Variants in KATNAL1 observed in about 807,000 individuals in gnomAD.
KATNAL1 encodes katanin catalytic subunit A1 like 1, also known as katanin p60 ATPase-containing subunit A-like 1.
A neutral mutation model predicts 55.2 loss-of-function variants in KATNAL1; 32 were observed. That is an observed-to-expected ratio of 0.58 (90% confidence interval 0.44 to 0.78). The LOEUF (loss-of-function observed/expected upper bound fraction) is 0.78. Among genes scored for constraint, KATNAL1 ranks in the 30% least tolerant of loss-of-function variants. KATNAL1 has a pLI of 0.00. For missense variants in KATNAL1, 466 were observed against 600.9 expected, an observed-to-expected ratio of 0.78 and a Z score of 2.35; for synonymous variants, 193 against 193.6, an observed-to-expected ratio of 1.00 and a Z score of 0.02.
In KATNAL1 at chr13:30,265,698, G is replaced by A. The variant is rs968850287; in HGVS notation, c.324-10083C>T. ...AGCAGATTTTAGAAGTCCCTTTTAA[G>A]AGATTTTTTTTTTTTTTAAATCAGT... On this transcript the variant is annotated intron_variant, in intron 3 of 10. Transcript: ENST00000380615. Among the ~76,000 whole-genome samples the A allele has an allele frequency of 6.6e-5, 10 of 150,586 alleles. 1 individual carries two copies. Among genetic ancestry groups the A allele is most frequent in the African/African-American group, 2.5e-4 (10 of 40,790 alleles).
intron 9 of KATNAL1, among the ~76,000 whole-genome samples, chr13:30,214,957 A>C (rs1408060832): frequency 5.3e-4 from 80 of 152,156 alleles, no homozygotes; most frequent in Admixed American, 5.2e-3. Flanking sequence ...TCTGCACAGC[A>C]AAAGAAACTA....
intron 3 of KATNAL1, among the ~76,000 whole-genome samples, chr13:30,270,154 G>A (rs1880187200): frequency 1.5e-5 from 2 of 135,818 alleles, no homozygotes; most frequent in Admixed American, 1.4e-4. Flanking sequence ...CTACTGGGAA[G>A]TGAGGAGCCT....
chr13:30,278,103 A>G lies in KATNAL1; in HGVS notation c.323+1960T>C, dbSNP rs140711885. On this transcript the variant is annotated intron_variant, in intron 3 of 10. Transcript: ENST00000380615. ...AGAAACTTTATTCATAAAGTTTTAA[A>G]CTATTAATCCCATGCTATTACTCAA... Among the ~76,000 whole-genome samples the G allele has an allele frequency of 1.8e-4, 28 of 152,044 alleles. 1 individual carries two copies. In the East Asian group the frequency reaches 5.0e-3, roughly 27 times the overall value.
intron 9 of KATNAL1, among the ~76,000 whole-genome samples, chr13:30,220,077 T>G (rs1055582309): frequency 2.0e-5 from 3 of 152,222 alleles, no homozygotes; most frequent in Non-Finnish European, 4.4e-5. Context: ...TTCCCTCCAC[T>G]GGTATCAATT....
chr13:30,296,419 G>T (rs947686633), intron 1 of KATNAL1: 2 of 909,918 alleles, frequency 2.2e-6, no homozygotes, highest in Non-Finnish European at 1.8e-6. Flanking sequence ...ACATCCCCCG[G>T]AAGGAGGGAG....
chr13:30,296,493 A>G, intron 1 of KATNAL1: 1 of 735,766 alleles, frequency 1.4e-6, no homozygotes, highest in Non-Finnish European at 2.5e-6. Context: ...CGGTGAGCTG[A>G]AAACAGATGA....
intron 4 of KATNAL1, among the ~76,000 whole-genome samples, chr13:30,254,621 G>C (rs1047446786): frequency 1.3e-5 from 2 of 152,096 alleles, no homozygotes; most frequent in African/African-American, 4.8e-5. Context: ...ATAACCACTT[G>C]TTATTAGATA....
intron 10 of KATNAL1, among the ~76,000 whole-genome samples, chr13:30,209,142 G>A (rs1566081284): frequency 6.6e-6 from 1 of 152,126 alleles, no homozygotes; most frequent in Non-Finnish European, 1.5e-5. Flanking sequence ...CTAAATAGAG[G>A]AATAAAGACA....
At chr13:30,304,536 G>C (rs1486714874) in intron 1 of KATNAL1, among the ~76,000 whole-genome samples, 1 of 152,146 alleles carries the variant, frequency 6.6e-6, no homozygotes, top group Non-Finnish European at 1.5e-5. Context: ...CCAAAGTGCT[G>C]GGATTACAGG....
At chr13:30,223,730 G>GA (rs1875159357) in intron 9 of KATNAL1, among the ~76,000 whole-genome samples, 1 of 151,988 alleles carries the variant, frequency 6.6e-6, no homozygotes, top group South Asian at 2.1e-4. Context: ...CTGAAAAAAC[G>GA]AAAGGGAGAA....
chr13:30,292,834 G>C (rs1324853358), intron 1 of KATNAL1, among the ~76,000 whole-genome samples: 1 of 152,100 alleles, frequency 6.6e-6, no homozygotes, highest in African/African-American at 2.4e-5. Context: ...CCTGGCTACT[G>C]AATCTTAGTT....
rs1290155122 is a variant in KATNAL1, at chr13:30,255,549, T to C, written c.390A>G (p.Val130=). 1.3e-6 allele frequency: 2 copies of C among 1,591,414 alleles called. No homozygotes were observed. The highest frequency in any genetic ancestry group is 1.7e-5 in the Admixed American group (1 of 58,346). Reference sequence around the variant, plus strand: ...CTCGGCCTACAGGTCCCCGGGCTCCTACTCCTGCCATTTCTTTCCTCAGAG... The same window carrying C: ...CTCGGCCTACAGGTCCCCGGGCTCCCACTCCTGCCATTTCTTTCCTCAGAG... ...VRPLRKEMAG[V]GARGPVGRAH... The change falls in exon 4 of 11, where the codon GTA becomes GTG. Residue 130 remains valine (V), a synonymous_variant. Coordinates refer to ENST00000380615, the MANE Select transcript of KATNAL1 (RefSeq NM_032116.5).
At chr13:30,220,352 T>C (rs1874722748) in intron 9 of KATNAL1, among the ~76,000 whole-genome samples, 2 of 151,920 alleles carry the variant, frequency 1.3e-5, no homozygotes, top group African/African-American at 4.8e-5. Context: ...TCCTGGCTAC[T>C]TGGGAGGCTG....
intron 1 of KATNAL1, among the ~76,000 whole-genome samples, chr13:30,292,537 G>A (rs1263909533): frequency 6.6e-6 from 1 of 152,122 alleles, no homozygotes; most frequent in Non-Finnish European, 1.5e-5. Flanking sequence ...TCCAAAGGGA[G>A]ATACTGTATC....
At chr13:30,296,429 G>A in intron 1 of KATNAL1, 4 of 871,096 alleles carry the variant, frequency 4.6e-6, no homozygotes, top group Non-Finnish European at 7.7e-6. Flanking sequence ...GAAGGAGGGA[G>A]GCTTGGGCCC....
rs1051606817 is a variant in KATNAL1, at chr13:30,207,849, A to G, written c.*691T>C. 6.6e-6 allele frequency: 1 copy of G among 152,258 alleles called. No homozygotes were observed. Among genetic ancestry groups the G allele is most frequent in the Non-Finnish European group, 1.5e-5 (1 of 68,052 alleles). 9.4% of individuals were successfully genotyped at this position (152,258 alleles called of 1,614,324 possible). The stretch of plus-strand genomic sequence containing the variant: ...AGTAATATTCTTCCCACCTTTCCAT[A>G]TTAAATGTAAGAAGCACCAGCAAAA... On this transcript the variant is annotated 3_prime_UTR_variant, in exon 11 of 11. Transcript: ENST00000380615.
chr13:30,251,048 G>C (rs1302441276), intron 4 of KATNAL1, among the ~76,000 whole-genome samples: 1 of 147,682 alleles, frequency 6.8e-6, no homozygotes, highest in Non-Finnish European at 1.5e-5. Context: ...TGAGGCAGGA[G>C]AATGGTGTGA....
chr13:30,227,632 G>C, intron 8 of KATNAL1, 86 bp from the exon 9 acceptor site: 1 of 1,451,974 alleles, frequency 6.9e-7, no homozygotes, highest in Non-Finnish European at 9.4e-7. Context: ...TAGCCAAAGT[G>C]GCAGAATCAA....
intron 1 of KATNAL1, 38 bp from the exon 2 acceptor site, chr13:30,283,829 G>T: frequency 2.9e-6 from 4 of 1,366,810 alleles, no homozygotes; most frequent in South Asian, 1.4e-5. Context: ...AAAATTTTCA[G>T]CACTGACTTT....
Sources: allele counts gnomAD v4.1 joint callset (sites outside exome capture counted in the v4.1 genomes callset), GRCh38; gene constraint gnomAD v4.1.1; transcripts MANE v1.5; gene names NCBI Gene and HGNC (gene_info 2026-07-23, HGNC 2026-07-21).